Variants in DEPTOR observed in about 807,000 individuals in gnomAD.
DEPTOR encodes DEP domain-containing mTOR-interacting protein.
In DEPTOR, 41 loss-of-function variants were observed where a neutral mutation model predicts 41.6. The observed-to-expected ratio is 0.98, with a 90% CI of 0.77 to 1.28. DEPTOR has a LOEUF of 1.28. DEPTOR is among the 50% of genes most tolerant of loss of function. The probability of loss-of-function intolerance (pLI) is 0.00; values close to 1 mark genes in which losing one functional copy is unlikely to be tolerated. For missense variants in DEPTOR, 514 were observed against 527.9 expected (o/e 0.97, Z 0.26); for synonymous variants, 195 against 192.3 (o/e 1.01, Z -0.12).
rs1263181966 is a variant in DEPTOR, at chr8:120,006,891, G to A, written c.996+16G>A. 1.9e-6 allele frequency: 3 copies of A among 1,613,854 alleles called. No individual in the cohort carries two copies. The African/African-American group carries it at 4.0e-5, about 22-fold the overall frequency. Reference sequence around the variant, plus strand: ...GACATTCACGGTAGGCTGATGGTCTGGCCTTTTTCTCCCGTGCTGCCCATT... The same window carrying A: ...GACATTCACGGTAGGCTGATGGTCTAGCCTTTTTCTCCCGTGCTGCCCATT... On this transcript the variant is annotated intron_variant, in intron 7 of 8. Transcript: ENST00000286234.
intron 1 of DEPTOR, among the ~76,000 whole-genome samples, chr8:119,894,538 A>C (rs1441811172): frequency 1.3e-5 from 2 of 151,486 alleles, no homozygotes; most frequent in Non-Finnish European, 3.0e-5. Flanking sequence ...CTGGGACTAC[A>C]GGCACCCGCC....
intron 3 of DEPTOR, among the ~76,000 whole-genome samples, chr8:119,947,346 C>A (rs184275943): frequency 1.3e-5 from 2 of 152,326 alleles, no homozygotes; most frequent in Admixed American, 1.3e-4. Context: ...TCAGAAAGAA[C>A]TGTGAAGTTT....
At chr8:119,978,110 G>A (rs982201616) in intron 4 of DEPTOR, among the ~76,000 whole-genome samples, 2 of 152,110 alleles carry the variant, frequency 1.3e-5, no homozygotes, top group Admixed American at 1.3e-4. Flanking sequence ...CCCTGCCTCA[G>A]TCCTGACAGC....
chr8:119,881,536 A>T (rs1170535927), intron 1 of DEPTOR, among the ~76,000 whole-genome samples: 1 of 140,030 alleles, frequency 7.1e-6, no homozygotes, highest in Non-Finnish European at 1.5e-5. Context: ...AAAAAATAAT[A>T]AAAAAAAAAA....
rs76001800 is a variant in DEPTOR at position 119,976,256 on chromosome 8, G to T, written c.604+10846G>T. Among the ~76,000 whole-genome samples the T allele has an allele frequency of 3.9e-5, 6 of 152,182 alleles. No individual in the cohort carries two copies. The East Asian group carries it at 1.2e-3, about 29-fold the overall frequency. ...AATGGAGGAGACTTCTTTACAGATG[G>T]CACCCTGTGTCTTAGCCTTTCTTTA... On this transcript the variant is annotated intron_variant, in intron 4 of 8. Transcript: ENST00000286234.
At chr8:120,027,556 T>C (rs531006139) in intron 8 of DEPTOR, among the ~76,000 whole-genome samples, 7 of 151,448 alleles carry the variant, frequency 4.6e-5, no homozygotes, top group African/African-American at 1.7e-4. Flanking sequence ...AATACAAAAA[T>C]TAGCTGGGTG....
intron 3 of DEPTOR, among the ~76,000 whole-genome samples, chr8:119,945,209 T>C (rs1301335290): frequency 6.6e-6 from 1 of 152,228 alleles, no homozygotes; most frequent in Non-Finnish European, 1.5e-5. Context: ...AAGAAATCAA[T>C]AGGCAGTCCC....
At chr8:119,963,498 G>A (rs1437309092) in intron 3 of DEPTOR, among the ~76,000 whole-genome samples, 1 of 152,010 alleles carries the variant, frequency 6.6e-6, no homozygotes, top group Non-Finnish European at 1.5e-5. Flanking sequence ...ACAGGCATGT[G>A]CCAATGTGTC....
intron 4 of DEPTOR, among the ~76,000 whole-genome samples, chr8:120,000,684 A>G (rs568213698): frequency 4.0e-5 from 6 of 151,896 alleles, no homozygotes; most frequent in Admixed American, 3.9e-4. Flanking sequence ...GCTGGTGTCA[A>G]ACTCCTGACC....
At chr8:120,044,026 C>T (rs1234564683) in intron 8 of DEPTOR, among the ~76,000 whole-genome samples, 1 of 147,628 alleles carries the variant, frequency 6.8e-6, no homozygotes, top group African/African-American at 2.5e-5. Context: ...AAAGAGATTG[C>T]ATTGGGGATG....
intron 4 of DEPTOR, among the ~76,000 whole-genome samples, chr8:119,993,894 C>A (rs1478847314): frequency 6.6e-6 from 1 of 151,830 alleles, no homozygotes; most frequent in African/African-American, 2.4e-5. Flanking sequence ...CGGTGGCTCA[C>A]ACCTGTAATC....
At chr8:119,890,786 CAT>C (rs1267430049) in intron 1 of DEPTOR, among the ~76,000 whole-genome samples, 1 of 152,092 alleles carries the variant, frequency 6.6e-6, no homozygotes, top group Admixed American at 6.6e-5. Context: ...CATGGTCACA[CAT>C]GTGGTAAGTA....
intron 8 of DEPTOR, among the ~76,000 whole-genome samples, chr8:120,037,251 A>G (rs1812991958): frequency 6.6e-6 from 1 of 152,230 alleles, no homozygotes; most frequent in Non-Finnish European, 1.5e-5. Context: ...GTTGATCCTC[A>G]TAATAAACTT....
At chr8:119,991,053 T>TCTTTCTTTCTTC (rs1812155806) in intron 4 of DEPTOR, among the ~76,000 whole-genome samples, 4 of 30,638 alleles carry the variant, frequency 1.3e-4, no homozygotes, top group Non-Finnish European at 2.7e-4. Context: ...TTTCTTTCTT[T>TCTTTCTTTCTTC]CTTTCTTTCT....
intron 3 of DEPTOR, among the ~76,000 whole-genome samples, chr8:119,962,560 G>A (rs556333427): frequency 4.6e-5 from 7 of 152,226 alleles, no homozygotes; most frequent in East Asian, 3.9e-4. Flanking sequence ...GCAGGATCAC[G>A]CATACTTTAT....
chr8:120,020,796 T>C (rs1279933566), intron 8 of DEPTOR, among the ~76,000 whole-genome samples: 2 of 152,164 alleles, frequency 1.3e-5, no homozygotes, highest in Non-Finnish European at 2.9e-5. Flanking sequence ...CGGTGGCTCA[T>C]TTCTGTAATC....
At chr8:119,984,077 C>A (rs1828800658) in intron 4 of DEPTOR, among the ~76,000 whole-genome samples, 1 of 151,944 alleles carries the variant, frequency 6.6e-6, no homozygotes, top group African/African-American at 2.4e-5. Flanking sequence ...TTTCAGTACC[C>A]CACTGTCTGT....
At chr8:120,036,127 C>G (rs769174981) in intron 8 of DEPTOR, among the ~76,000 whole-genome samples, 14 of 152,186 alleles carry the variant, frequency 9.2e-5, no homozygotes, top group Non-Finnish European at 1.5e-4. Context: ...GTGATTGACC[C>G]ATTTGCTGAG....
At chr8:119,944,161 C>T (rs1416453099) in intron 3 of DEPTOR, among the ~76,000 whole-genome samples, 1 of 152,110 alleles carries the variant, frequency 6.6e-6, no homozygotes, top group African/African-American at 2.4e-5. Flanking sequence ...TTTTATTAAC[C>T]CATTTGCATA....
Sources: gnomAD v4.1 joint callset for allele counts (sites outside exome capture counted in the v4.1 genomes callset) on GRCh38, gnomAD v4.1.1 for gene constraint, MANE v1.5 for transcripts, NCBI Gene and HGNC (gene_info 2026-07-23, HGNC 2026-07-21) for gene names.